Variants in RGS6 observed in about 807,000 individuals in gnomAD.
The protein encoded by RGS6 is regulator of G-protein signaling 6.
RGS6 carries 30 observed loss-of-function variants against 78.5 expected under a neutral mutation model. The ratio of observed to expected loss-of-function variants is 0.38; its 90% CI spans 0.29 to 0.52. The LOEUF (loss-of-function observed/expected upper bound fraction) is 0.52. RGS6 is among the 20% of genes least tolerant of loss of function. The pLI, the probability that RGS6 is intolerant of heterozygous loss-of-function variation, is 0.85. For missense variants in RGS6, 495 were observed against 609.7 expected, an observed-to-expected ratio of 0.81 and a Z score of 1.98; for synonymous variants, 206 against 206.0, an observed-to-expected ratio of 1.00 and a Z score of 0.00.
chr14:71,977,970 G>C (rs2094229078), intron 2 of RGS6, among the ~76,000 whole-genome samples: 1 of 150,682 alleles, frequency 6.6e-6, no homozygotes, highest in African/African-American at 2.4e-5. Context: ...CCTTGAAGAG[G>C]TCCTTCACAT....
At chr14:72,276,715 C>T (rs2060725767) in intron 2 of RGS6, among the ~76,000 whole-genome samples, 1 of 152,140 alleles carries the variant, frequency 6.6e-6, no homozygotes, top group Admixed American at 6.5e-5. Context: ...TTGCCTATTG[C>T]CATGTAAGAT....
chr14:72,142,755 C>T (rs2096557621), intron 2 of RGS6, among the ~76,000 whole-genome samples: 1 of 152,122 alleles, frequency 6.6e-6, no homozygotes, highest in Non-Finnish European at 1.5e-5. Flanking sequence ...AAGGATGGTT[C>T]CATTCCTTTC....
chr14:71,982,123 C>T (rs2094495412), intron 2 of RGS6, among the ~76,000 whole-genome samples: 1 of 152,220 alleles, frequency 6.6e-6, no homozygotes, highest in South Asian at 2.1e-4. Context: ...CCGAGTGAGG[C>T]AACGCCTCGC....
At chr14:72,416,262 A>G (rs970556883) in intron 3 of RGS6, among the ~76,000 whole-genome samples, 67 of 152,298 alleles carry the variant, frequency 4.4e-4, no homozygotes, top group African/African-American at 1.5e-3. Flanking sequence ...CTCTATATGC[A>G]TTACACAATT....
intron 2 of RGS6, among the ~76,000 whole-genome samples, chr14:72,335,625 G>C (rs1255120265): frequency 6.6e-6 from 1 of 152,126 alleles, no homozygotes; most frequent in Non-Finnish European, 1.5e-5. Flanking sequence ...GTGGTTTATG[G>C]TTTTGTTTAA....
chr14:72,269,579 T>C (rs55931249), intron 2 of RGS6, among the ~76,000 whole-genome samples: 25 of 132,006 alleles, frequency 1.9e-4, no homozygotes, highest in East Asian at 6.6e-4. Context: ...TTTTTTTTTT[T>C]TTTTTTTTTT....
chr14:72,515,061 CG>C (rs1473442621), intron 14 of RGS6, among the ~76,000 whole-genome samples: 1 of 152,184 alleles, frequency 6.6e-6, no homozygotes, highest in African/African-American at 2.4e-5. Context: ...TAAACACATA[CG>C]GGATGTCAGG....
chr14:72,248,850 T>C (rs531735561), intron 2 of RGS6, among the ~76,000 whole-genome samples: 2 of 152,372 alleles, frequency 1.3e-5, no homozygotes, highest in South Asian at 4.1e-4. Context: ...TTGAGAGTTA[T>C]GAGCACTGCT....
At chr14:71,991,831 A>G (rs1049122726) in intron 2 of RGS6, among the ~76,000 whole-genome samples, 1 of 152,178 alleles carries the variant, frequency 6.6e-6, no homozygotes, top group Non-Finnish European at 1.5e-5. Context: ...CATAGTAACT[A>G]TTTTAGGCTT....
At chr14:71,944,771 A>G (rs1011460122) in intron 1 of RGS6, among the ~76,000 whole-genome samples, 5 of 152,182 alleles carry the variant, frequency 3.3e-5, no homozygotes, top group Admixed American at 1.3e-4. Flanking sequence ...AATGACCAGG[A>G]TACATTTGGA....
At chr14:71,963,323 G>A (rs2153044901) in intron 1 of RGS6, among the ~76,000 whole-genome samples, 1 of 152,064 alleles carries the variant, frequency 6.6e-6, no homozygotes, top group Non-Finnish European at 1.5e-5. Context: ...ATCTTTTCAG[G>A]CTTTTCAAAA....
At chr14:72,463,587 C>A (rs1352378509) in intron 6 of RGS6, among the ~76,000 whole-genome samples, 2 of 152,228 alleles carry the variant, frequency 1.3e-5, no homozygotes, top group African/African-American at 4.8e-5. Context: ...TTGGACATTT[C>A]TTGGGATGAC....
chr14:72,521,800 G>A (rs1416754270), intron 15 of RGS6, among the ~76,000 whole-genome samples: 1 of 152,162 alleles, frequency 6.6e-6, no homozygotes, highest in African/African-American at 2.4e-5. Context: ...GGGATACAAT[G>A]GAGCCTACAC....
At chr14:72,327,984 C>T (rs1312341330) in intron 2 of RGS6, among the ~76,000 whole-genome samples, 1 of 152,016 alleles carries the variant, frequency 6.6e-6, no homozygotes, top group Non-Finnish European at 1.5e-5. Flanking sequence ...TGAGAAGTGC[C>T]ACATATGCCA....
chr14:72,021,173 G>A (rs1277128263), intron 2 of RGS6, among the ~76,000 whole-genome samples: 1 of 152,120 alleles, frequency 6.6e-6, no homozygotes, highest in Non-Finnish European at 1.5e-5. Context: ...ATGGCCAGAC[G>A]TCTTTGTCCT....
At chr14:72,268,516 C>G (rs2059421007) in intron 2 of RGS6, among the ~76,000 whole-genome samples, 1 of 152,226 alleles carries the variant, frequency 6.6e-6, no homozygotes. Context: ...TCCTCCCTCT[C>G]TCCTTTACAA....
chr14:72,113,814 C>T (rs2095826941), intron 2 of RGS6, among the ~76,000 whole-genome samples: 1 of 152,156 alleles, frequency 6.6e-6, no homozygotes, highest in African/African-American at 2.4e-5. Context: ...AGTCGCATGG[C>T]TGTGCCCAAA....
chr14:71,927,901 G>A (rs534227484), upstream of RGS6, among the ~76,000 whole-genome samples: 21 of 151,966 alleles, frequency 1.4e-4, no homozygotes, highest in Middle Eastern at 3.4e-3. Context: ...CTCGTGATCC[G>A]CCCGTCTCGG....
At chr14:71,970,840 G>T (rs550202182) in intron 2 of RGS6, among the ~76,000 whole-genome samples, 1 of 152,232 alleles carries the variant, frequency 6.6e-6, no homozygotes, top group East Asian at 1.9e-4. Context: ...AGGTAGAGGG[G>T]TCATGTAGTC....
Sources: allele counts gnomAD v4.1 joint callset (sites outside exome capture counted in the v4.1 genomes callset), GRCh38; gene constraint gnomAD v4.1.1; transcripts MANE v1.5; gene names NCBI Gene and HGNC (gene_info 2026-07-23, HGNC 2026-07-21).